The following DGKD variants were observed in gnomAD, a reference collection of about 807,000 sequenced individuals.
DGKD encodes diacylglycerol kinase delta, also known as DAG kinase delta.
A neutral mutation model predicts 154.4 loss-of-function variants in DGKD; 68 were observed. The ratio of observed to expected loss-of-function variants is 0.44; its 90% CI spans 0.36 to 0.54. DGKD has a LOEUF of 0.54. Ranked by LOEUF, DGKD falls within the 20% of genes least tolerant of loss-of-function variation. DGKD has a pLI of 0.00. For synonymous variants in DGKD, 693 were observed against 638.0 expected (o/e 1.09, Z -1.30); for missense variants, 1,343 against 1,593.6 (o/e 0.84, Z 2.68).
intron 3 of DGKD, among the ~76,000 whole-genome samples, chr2:233,427,543 T>C (rs1352754162): frequency 6.6e-6 from 1 of 152,124 alleles, no homozygotes; most frequent in Non-Finnish European, 1.5e-5. Context: ...AGTTTTACCA[T>C]GTTGGCCAGG....
chr2:233,354,538 C>A lies in DGKD; in HGVS notation c.20C>A (p.Ala7Asp). The A allele has an allele frequency of 3.0e-6, 3 of 996,934 alleles. No individual in the cohort carries two copies. The highest frequency in any genetic ancestry group is 2.4e-6 in the Non-Finnish European group (2 of 839,486). 61.8% of individuals were successfully genotyped at this position (996,934 alleles called of 1,614,324 possible). MAAAAG[A>D]PPPGPPQPPP... ...GGCAGCATGGCGGCGGCGGCGGGCG[C>A]CCCTCCGCCGGGTCCCCCGCAACCG... is the stretch of plus-strand genomic sequence containing the variant. Residue 7 changes from alanine to aspartate, a missense_variant, in exon 1 of 30, where the codon GCC (alanine) becomes GAC (aspartate). Transcript: ENST00000264057. This position sits in a 1 kb window ranked among gnomAD's most constrained non-coding sequence, Gnocchi z 4.8.
rs1208052710 is a variant in DGKD at position 233,441,681 on chromosome 2, T to C, written c.1086-206T>C. On this transcript the variant is annotated intron_variant, in intron 9 of 29. Coordinates refer to ENST00000264057, the MANE Select transcript of DGKD (RefSeq NM_152879.3). This position sits in a 1 kb window ranked among gnomAD's most constrained non-coding sequence, Gnocchi z 5.6. ...GGCGTGGCTGGTGGGAGCAGTTGGCTGGACCCCAGTGCTGCTGTCGTCCCT... is the reference window on the plus strand; with the variant it reads ...GGCGTGGCTGGTGGGAGCAGTTGGCCGGACCCCAGTGCTGCTGTCGTCCCT... Among the ~76,000 whole-genome samples, 1 of 152,138 alleles carries C rather than the reference T, an allele frequency of 6.6e-6. No individual in the cohort carries two copies. The highest frequency in any genetic ancestry group is 6.5e-5 in the Admixed American group (1 of 15,268).
intron 3 of DGKD, among the ~76,000 whole-genome samples, chr2:233,409,563 TA>T (rs1320973202): frequency 1.3e-5 from 2 of 151,490 alleles, no homozygotes; most frequent in East Asian, 1.9e-4. Context: ...GAAATCATGT[TA>T]AAAAAAAATC....
intron 1 of DGKD, among the ~76,000 whole-genome samples, chr2:233,372,068 C>A (rs1450755423): frequency 6.6e-6 from 1 of 152,154 alleles, no homozygotes; most frequent in Non-Finnish European, 1.5e-5. Flanking sequence ...GTCACCCAGG[C>A]TGGAGTGCAG....
At chr2:233,468,239 G>C (rs2063890408) in intron 28 of DGKD, among the ~76,000 whole-genome samples, 184 bp from the exon 29 acceptor site, 1 of 133,750 alleles carries the variant, frequency 7.5e-6, no homozygotes, top group Non-Finnish European at 1.5e-5. Flanking sequence ...TGGCTGCTGG[G>C]CTATCTCGGG....
chr2:233,354,774 C>A lies in DGKD; in HGVS notation c.156+100C>A. On this transcript the variant is annotated intron_variant, in intron 1 of 29. Transcript: ENST00000264057. The surrounding 1 kb of genome is among the most constrained non-coding windows in gnomAD (Gnocchi z 4.8). The stretch of plus-strand genomic sequence containing the variant: ...CCCGAGCGGCCGCCCAGGCCCGGCT[C>A]GGCCCGGCCCGGGGTCCCGCGGGCG... The A allele has an allele frequency of 1.5e-6, 1 of 670,692 alleles. No homozygotes were observed. The highest frequency in any genetic ancestry group is 1.8e-6 in the Non-Finnish European group (1 of 545,638). 41.5% of individuals were successfully genotyped at this position (670,692 alleles called of 1,614,324 possible). A position where few individuals can be genotyped will look rare whatever the true frequency, so the allele number is the denominator to read the frequency against.
In DGKD at chr2:233,414,381, C is replaced by CT. The variant is rs1238323160; in HGVS notation, c.349-19999_349-19998insT. Among the ~76,000 whole-genome samples the CT allele has an allele frequency of 5.3e-5, 8 of 152,332 alleles. No individual in the cohort carries two copies. In the East Asian group the frequency reaches 1.5e-3, roughly 29 times the overall value. On this transcript the variant is annotated intron_variant, in intron 3 of 29. Coordinates refer to ENST00000264057, the MANE Select transcript of DGKD (RefSeq NM_152879.3). ...CTTATCAAAGCTGGGAAACTTAGAACAACAGCTGTGCCGCTCATGGACCTG... is the reference window on the plus strand; with the variant it reads ...CTTATCAAAGCTGGGAAACTTAGAACTAACAGCTGTGCCGCTCATGGACCTG...
At chr2:233,450,795 C>T (rs764209375) in intron 16 of DGKD, 127 bp from the exon 17 acceptor site, 74 of 1,223,460 alleles carry the variant, frequency 6.0e-5, no homozygotes, top group Admixed American at 2.0e-4. Flanking sequence ...ACACACTTCA[C>T]GCAACTGCCT....
chr2:233,419,755 C>T (rs1575082408), intron 3 of DGKD, among the ~76,000 whole-genome samples: 3 of 152,296 alleles, frequency 2.0e-5, no homozygotes, highest in Admixed American at 6.5e-5. Context: ...GCAAGCACTA[C>T]AGAGCCCAGA....
At chr2:233,394,690 C>CTTTTTTTTTTTTTT (rs1703879704) in intron 3 of DGKD, among the ~76,000 whole-genome samples, 2 of 83,258 alleles carry the variant, frequency 2.4e-5, no homozygotes, top group Middle Eastern at 7.5e-3. Context: ...AATTTAATTC[C>CTTTTTTTTTTTTTT]CTTTTTTTTT....
In DGKD at chr2:233,449,509, A is replaced by AGG; in HGVS notation, c.1888+134_1888+135dup. On this transcript the variant is annotated intron_variant, in intron 15 of 29. Coordinates refer to ENST00000264057, the MANE Select transcript of DGKD (RefSeq NM_152879.3). The surrounding 1 kb of genome is among the most constrained non-coding windows in gnomAD (Gnocchi z 5.3). ...ACTGCGGCCCTCTCCACCCATGTCC[A>AGG]GGCACCAGACCCCCAACGAGTTCGC... 1.6e-6 allele frequency: 2 copies of AGG among 1,286,034 alleles called. No individual in the cohort carries two copies. The highest frequency in any genetic ancestry group is 3.1e-5 in the South Asian group (2 of 65,474). 79.7% of individuals were successfully genotyped at this position (1,286,034 alleles called of 1,614,324 possible).
At chr2:233,422,886 G>A (rs529550984) in intron 3 of DGKD, among the ~76,000 whole-genome samples, 21 of 152,286 alleles carry the variant, frequency 1.4e-4, no homozygotes, top group African/African-American at 5.1e-4. Flanking sequence ...CCTCCAAGCC[G>A]CAGAGATTTT....
In DGKD at chr2:233,470,885, G is replaced by A. The variant is rs2063990753; in HGVS notation, c.*1425G>A. 1 of 152,362 alleles carries A rather than the reference G, an allele frequency of 6.6e-6. No homozygotes were observed. The highest frequency in any genetic ancestry group is 2.1e-4 in the South Asian group (1 of 4,826). The allele number at this position is 152,362 out of a possible 1,614,324, so 9.4% of individuals were successfully genotyped here. ...GGCTCCCAAAGAGAAGGACAGTGTT[G>A]GGAGTATCTGCCGGCGCTGTCCAGG... On this transcript the variant is annotated 3_prime_UTR_variant, in exon 30 of 30. Coordinates refer to ENST00000264057, the MANE Select transcript of DGKD (RefSeq NM_152879.3).
At chr2:233,425,302 T>A (rs2062257501) in intron 3 of DGKD, among the ~76,000 whole-genome samples, 1 of 152,172 alleles carries the variant, frequency 6.6e-6, no homozygotes, top group Non-Finnish European at 1.5e-5. Flanking sequence ...TTCTCCTGCC[T>A]CAGCCTCCTG....
chr2:233,434,905 C>G lies in DGKD; in HGVS notation c.586+4C>G. The stretch of plus-strand genomic sequence containing the variant: ...TCGCACGGGCTGTCCTGCGAGGGTA[C>G]GGATGTGCGTTTGTTATTCTGTCAG... On this transcript the variant is annotated splice_donor_region_variant and intron_variant, in intron 5 of 29. Coordinates refer to ENST00000264057, the MANE Select transcript of DGKD (RefSeq NM_152879.3). The G allele has an allele frequency of 6.2e-7, 1 of 1,607,596 alleles. No individual in the cohort carries two copies. The highest frequency in any genetic ancestry group is 8.5e-7 in the Non-Finnish European group (1 of 1,177,190).
At position 233,445,572 on chromosome 2, in the gene DGKD, G is replaced by T; in HGVS notation, c.1195-51G>T. 6.5e-7 allele frequency: 1 copy of T among 1,536,980 alleles called. No individual in the cohort carries two copies. Among genetic ancestry groups the T allele is most frequent in the East Asian group, 2.3e-5 (1 of 42,612 alleles). ...CAAGGAGGGCTGCGGGCTGGGAAGT[G>T]GCCCCTGCCCCCAGGTGTTTGCCTG... On this transcript the variant is annotated intron_variant, in intron 10 of 29. Transcript: ENST00000264057. The surrounding 1 kb of genome is among the most constrained non-coding windows in gnomAD (Gnocchi z 5.5).
chr2:233,438,512 A>C lies in DGKD; in HGVS notation c.1085+133A>C, dbSNP rs1210735878. 5.2e-6 allele frequency: 6 copies of C among 1,163,582 alleles called. No homozygotes were observed. The highest frequency in any genetic ancestry group is 7.1e-6 in the Non-Finnish European group (6 of 841,598). The allele number at this position is 1,163,582 out of a possible 1,614,324, so 72.1% of individuals were successfully genotyped here. A position where few individuals can be genotyped will look rare whatever the true frequency, so the allele number is the denominator to read the frequency against. On this transcript the variant is annotated intron_variant, in intron 9 of 29. Transcript: ENST00000264057. The surrounding 1 kb of genome is among the most constrained non-coding windows in gnomAD (Gnocchi z 4.1). ...GAAAAGTTGAACTGCTTCCTTCCCAAATTGCACTTGCAGAGGTGCCCACTC... is the reference window on the plus strand; with the variant it reads ...GAAAAGTTGAACTGCTTCCTTCCCACATTGCACTTGCAGAGGTGCCCACTC...
chr2:233,467,336 T>G (rs1439687388), intron 28 of DGKD, 133 bp downstream of exon 28: 3 of 707,152 alleles, frequency 4.2e-6, no homozygotes, highest in Non-Finnish European at 7.7e-6. Flanking sequence ...CCCCCGGTCC[T>G]GCGACCACAC....
chr2:233,439,686 T>C (rs952106216), intron 9 of DGKD, among the ~76,000 whole-genome samples: 9 of 152,100 alleles, frequency 5.9e-5, no homozygotes, highest in African/African-American at 1.9e-4. Context: ...CTTAGCCTCC[T>C]GAGTAGCTGG....
Sources: gnomAD v4.1 joint callset for allele counts (sites outside exome capture counted in the v4.1 genomes callset) on GRCh38, gnomAD v4.1.1 for gene constraint, Gnocchi (gnomAD v3.1) non-coding constraint, MANE v1.5 for transcripts, NCBI Gene and HGNC (gene_info 2026-07-23, HGNC 2026-07-21) for gene names.